Variants in MTDH observed in about 807,000 individuals in gnomAD.
The protein encoded by MTDH is metadherin, also known as protein LYRIC.
Under a neutral mutation model 72.7 loss-of-function variants are expected in MTDH, and 34 were observed. The ratio of observed to expected loss-of-function variants is 0.47; its 90% confidence interval spans 0.36 to 0.62. The LOEUF is 0.62. Ranked by LOEUF, MTDH falls within the 20% of genes least tolerant of loss-of-function variation. The pLI is 0.00. For synonymous variants in MTDH, 266 were observed against 268.9 expected (o/e 0.99, Z 0.10); for missense variants, 677 against 699.4 (o/e 0.97, Z 0.36).
chr8:97,701,859 T>C (rs758835085), intron 7 of MTDH, among the ~76,000 whole-genome samples: 114 of 152,262 alleles, frequency 7.5e-4, no homozygotes, highest in Non-Finnish European at 1.4e-3. Context: ...TTAAAACATG[T>C]ATCCACAGGA....
At chr8:97,645,861 C>T (rs1811545376) in intron 1 of MTDH, among the ~76,000 whole-genome samples, 2 of 152,098 alleles carry the variant, frequency 1.3e-5, no homozygotes, top group African/African-American at 2.4e-5. Context: ...GAAACAGCAC[C>T]TAACCTATTT....
At chr8:97,682,267 TATATATATATATA>T (rs1247400253) in intron 2 of MTDH, among the ~76,000 whole-genome samples, 24 of 8,256 alleles carry the variant, frequency 2.9e-3, no homozygotes, top group Non-Finnish European at 4.1e-3. Context: ...TATATATATA[TATATATATATATA>T]TTTTTTTTTT....
intron 9 of MTDH, among the ~76,000 whole-genome samples, chr8:97,714,896 G>T (rs1162335266): frequency 6.6e-6 from 1 of 151,426 alleles, no homozygotes; most frequent in Admixed American, 6.6e-5. Context: ...TGCGATCTCA[G>T]CTCATTGCAG....
chr8:97,680,157 C>G (rs539693881), intron 2 of MTDH, among the ~76,000 whole-genome samples: 1 of 152,132 alleles, frequency 6.6e-6, no homozygotes, highest in Non-Finnish European at 1.5e-5. Flanking sequence ...ACTGCAACCT[C>G]GACCTCCTGG....
intron 1 of MTDH, among the ~76,000 whole-genome samples, chr8:97,657,137 T>G (rs1463399206): frequency 2.6e-5 from 4 of 152,162 alleles, no homozygotes; most frequent in Non-Finnish European, 5.9e-5. Flanking sequence ...ATACAAAGTG[T>G]TCCTTTGTGC....
chr8:97,673,701 G>A (rs1162081086), intron 2 of MTDH, among the ~76,000 whole-genome samples: 2 of 151,162 alleles, frequency 1.3e-5, no homozygotes, highest in Non-Finnish European at 3.0e-5. Flanking sequence ...TTGGCCGGGT[G>A]CAGTGGCTCA....
At chr8:97,674,214 G>A (rs1040951211) in intron 2 of MTDH, among the ~76,000 whole-genome samples, 1 of 152,164 alleles carries the variant, frequency 6.6e-6, no homozygotes, top group Non-Finnish European at 1.5e-5. Flanking sequence ...TAAAGTGCAG[G>A]TTGTGGGCAC....
chr8:97,712,905 T>C (rs1436987624), intron 8 of MTDH, among the ~76,000 whole-genome samples: 2 of 152,156 alleles, frequency 1.3e-5, no homozygotes, highest in Non-Finnish European at 2.9e-5. Flanking sequence ...TTGTATTATA[T>C]TGTACAGATA....
At chr8:97,649,278 G>C (rs1159283440) in intron 1 of MTDH, among the ~76,000 whole-genome samples, 1 of 152,128 alleles carries the variant, frequency 6.6e-6, no homozygotes, top group African/African-American at 2.4e-5. Context: ...CCCTACTTTA[G>C]GACTTTATTA....
In MTDH at chr8:97,663,902, A is replaced by G. The variant is rs1014152569; in HGVS notation, c.483+2729A>G. Among the ~76,000 whole-genome samples the G allele has an allele frequency of 1.1e-3, 168 of 152,332 alleles. 2 individuals are homozygous for G. Among genetic ancestry groups the G allele is most frequent in the African/African-American group, 3.7e-3 (155 of 41,570 alleles). ...TTATGTTACCTGAGCTATTGAAAGTATAGTCAGTTCTAACCCAAATCTATC... is the reference window on the plus strand; with the variant it reads ...TTATGTTACCTGAGCTATTGAAAGTGTAGTCAGTTCTAACCCAAATCTATC... On this transcript the variant is annotated intron_variant, in intron 2 of 11. Transcript: ENST00000336273.
chr8:97,670,066 T>C (rs1340659922), intron 2 of MTDH, among the ~76,000 whole-genome samples: 1 of 149,708 alleles, frequency 6.7e-6, no homozygotes, highest in Non-Finnish European at 1.5e-5. Flanking sequence ...TGTAGTCCCA[T>C]CACTTTAGGA....
chr8:97,671,229 A>G (rs1324907994), intron 2 of MTDH, among the ~76,000 whole-genome samples: 1 of 151,868 alleles, frequency 6.6e-6, no homozygotes, highest in Non-Finnish European at 1.5e-5. Flanking sequence ...GGCCTCCCAA[A>G]GTGCTGGGAT....
At chr8:97,659,005 TG>T (rs1812077424) in intron 1 of MTDH, among the ~76,000 whole-genome samples, 1 of 151,934 alleles carries the variant, frequency 6.6e-6, no homozygotes, top group Non-Finnish European at 1.5e-5. Context: ...TAGCTGGGCG[TG>T]GTGGCAGGCA....
Position 97,644,842 on chromosome 8 carries a change from G to C in MTDH, c.336G>C (p.Glu112Asp). 1 of 1,577,838 alleles carries C rather than the reference G, an allele frequency of 6.3e-7. No homozygotes were observed. Among genetic ancestry groups the C allele is most frequent in the Non-Finnish European group, 8.6e-7 (1 of 1,169,198 alleles). ...DLALLKNLRSEEQKKKNRKKL... is the reference protein window; with the variant it reads ...DLALLKNLRSDEQKKKNRKKL... ...CCTTGCTGAAGAATCTCCGGAGCGA[G>C]GAACAGAAGAAGAAGAACCGGAAGA... Residue 112 changes from glutamate (E) to aspartate (D), a missense_variant, in exon 1 of 12, where the codon GAG becomes GAC. This residue lies in a region of MTDH where 467 missense variants were observed against 469.1 expected (regional missense o/e 1.00). Coordinates refer to ENST00000336273, the MANE Select transcript of MTDH (RefSeq NM_178812.4).
intron 2 of MTDH, among the ~76,000 whole-genome samples, chr8:97,682,174 T>C (rs1209828494): frequency 5.6e-5 from 8 of 142,874 alleles, no homozygotes; most frequent in African/African-American, 2.1e-4. Context: ...TTTAAAGTTT[T>C]TCATAAGCTA....
intron 2 of MTDH, among the ~76,000 whole-genome samples, chr8:97,674,790 C>A (rs894310069): frequency 6.6e-6 from 1 of 151,802 alleles, no homozygotes; most frequent in Non-Finnish European, 1.5e-5. Context: ...ACCAAAACAT[C>A]ATAGCAAGAA....
intron 8 of MTDH, among the ~76,000 whole-genome samples, chr8:97,711,925 A>G (rs1226420767): frequency 6.6e-6 from 1 of 152,236 alleles, no homozygotes; most frequent in Non-Finnish European, 1.5e-5. Context: ...AGGGGGAACT[A>G]CCTTTTCACA....
chr8:97,660,777 C>T (rs1178906798), intron 1 of MTDH, among the ~76,000 whole-genome samples: 1 of 152,014 alleles, frequency 6.6e-6, no homozygotes, highest in Non-Finnish European at 1.5e-5. Context: ...ATTGCAAACA[C>T]AGTTTTGTTC....
chr8:97,722,928 T>C lies in MTDH; in HGVS notation c.1571T>C (p.Leu524Ser). 6.2e-7 allele frequency: 1 copy of C among 1,614,096 alleles called. No individual in the cohort carries two copies. Residue 524 changes from leucine (L) to serine (S), a missense_variant, in exon 11 of 12, where the codon TTA becomes TCA. By Grantham distance (145) the Leu-to-Ser change is moderately radical. Transcript: ENST00000336273. ...ACTTCTACCGAGCCATCTGTAATCT[T>C]ATCAAAAAGTGATTCTGACAAGAGC... ...PATSTEPSVI[L>S]SKSDSDKSSS...
Sources: allele counts gnomAD v4.1 joint callset (sites outside exome capture counted in the v4.1 genomes callset), GRCh38; gene constraint gnomAD v4.1.1; regional missense constraint gnomAD v4.1.1; transcripts MANE v1.5; gene names NCBI Gene and HGNC (gene_info 2026-07-23, HGNC 2026-07-21).